The following FIGLA variants were observed in gnomAD, a reference collection of about 807,000 sequenced individuals.
FIGLA encodes factor in the germline alpha.
In FIGLA, 17 loss-of-function variants were observed where a neutral mutation model predicts 21.5. The observed-to-expected ratio is 0.79, with a 90% CI of 0.54 to 1.19. FIGLA has a LOEUF of 1.19. FIGLA is among the 50% of genes most tolerant of loss of function. The pLI is 0.00. For synonymous variants in FIGLA, 129 were observed against 117.6 expected (o/e 1.10, Z -0.63); for missense variants, 282 against 285.0 (o/e 0.99, Z 0.08).
At chr2:70,778,938 C>G (rs1256658221) in intron 3 of FIGLA, among the ~76,000 whole-genome samples, 3 of 152,166 alleles carry the variant, frequency 2.0e-5, no homozygotes, top group Non-Finnish European at 4.4e-5. Context: ...ATGGGGTAAA[C>G]AGAAATCCTT....
chr2:70,786,828 T>C (rs1675965066), intron 2 of FIGLA, among the ~76,000 whole-genome samples: 1 of 152,146 alleles, frequency 6.6e-6, no homozygotes, highest in African/African-American at 2.4e-5. Context: ...GGTTCTCTCC[T>C]CCTCAACTTT....
intron 3 of FIGLA, 101 bp downstream of exon 3, chr2:70,785,314 T>G (rs1184133537): frequency 9.8e-7 from 1 of 1,017,204 alleles, no homozygotes; most frequent in Admixed American, 2.2e-5. Flanking sequence ...TTAAATTATC[T>G]TGTTTTAATC....
At chr2:70,783,167 C>T (rs1553389367) in intron 3 of FIGLA, among the ~76,000 whole-genome samples, 1 of 152,084 alleles carries the variant, frequency 6.6e-6, no homozygotes, top group Non-Finnish European at 1.5e-5. Context: ...TACAATCAGG[C>T]CTCAGAAGTC....
intron 2 of FIGLA, among the ~76,000 whole-genome samples, chr2:70,786,601 G>A (rs1278081290): frequency 2.0e-5 from 3 of 152,152 alleles, no homozygotes; most frequent in African/African-American, 7.2e-5. Context: ...ACCGCGCCTG[G>A]CAGACTTCTA....
At chr2:70,777,732 G>A in intron 3 of FIGLA, 61 bp from the exon 4 acceptor site, 1 of 884,966 alleles carries the variant, frequency 1.1e-6, no homozygotes, top group African/African-American at 1.7e-5. Context: ...TCACGTTTAA[G>A]AGAACAAAAA....
intron 3 of FIGLA, among the ~76,000 whole-genome samples, chr2:70,778,959 C>T (rs782569761): frequency 3.3e-5 from 5 of 152,160 alleles, no homozygotes; most frequent in Non-Finnish European, 5.9e-5. Context: ...GCTCACTCAG[C>T]TTTAGAGTTC....
At chr2:70,786,477 T>G (rs1467413434) in intron 2 of FIGLA, among the ~76,000 whole-genome samples, 3 of 151,302 alleles carry the variant, frequency 2.0e-5, no homozygotes, top group African/African-American at 7.4e-5. Flanking sequence ...CTAATTTTTT[T>G]GTATTTTTAG....
intron 2 of FIGLA, among the ~76,000 whole-genome samples, chr2:70,786,143 C>T (rs1675951561): frequency 6.6e-6 from 1 of 151,728 alleles, no homozygotes; most frequent in Non-Finnish European, 1.5e-5. Context: ...TGTTTCTTTT[C>T]TCTCTAGTAT....
chr2:70,787,701 G>A lies in FIGLA; in HGVS notation c.332C>T (p.Thr111Ile). Residue 111 changes from threonine to isoleucine, a missense_variant, in exon 2 of 5, where the codon ACT becomes ATT. Coordinates refer to ENST00000332372, the MANE Select transcript of FIGLA (RefSeq NM_001004311.3). ...ATCACTGAGAACCTGTATATATTCA[G>A]TCGCACCTTTAAGGATATCAACTTT... is the stretch of plus-strand genomic sequence containing the variant. ...PSKVDILKGA[T>I]EYIQVLSDLL... 6.2e-7 allele frequency: 1 copy of A among 1,603,844 alleles called. No individual in the cohort carries two copies. The highest frequency in any genetic ancestry group is 8.5e-7 in the Non-Finnish European group (1 of 1,175,176).
Position 70,790,631 on chromosome 2 carries a change from G to T in FIGLA, c.8C>A (p.Pro3His). 7.1e-7 allele frequency: 1 copy of T among 1,413,160 alleles called. No individual in the cohort carries two copies. The highest frequency in any genetic ancestry group is 9.2e-7 in the Non-Finnish European group (1 of 1,090,174). The allele number at this position is 1,413,160 out of a possible 1,614,324, so 87.5% of individuals were successfully genotyped here. A position where few individuals can be genotyped will look rare whatever the true frequency, so the allele number is the denominator to read the frequency against. MD[P>H]APGVLDPRAA... ...GCGGGGATCTAGGACGCCGGGCGCG[G>T]GGTCCATGGCAGGGCCGAGGCCGCT... Residue 3 changes from proline (P) to histidine (H), a missense_variant, in exon 1 of 5, where the codon CCC (proline) becomes CAC (histidine). Physicochemically the swap from Pro to His is moderately conservative, Grantham distance 77. Coordinates refer to ENST00000332372, the MANE Select transcript of FIGLA (RefSeq NM_001004311.3).
chr2:70,783,515 C>A (rs1344911528), intron 3 of FIGLA, among the ~76,000 whole-genome samples: 3 of 152,216 alleles, frequency 2.0e-5, no homozygotes, highest in African/African-American at 7.2e-5. Context: ...GCTCCTGTCC[C>A]AGCCCAGGTC....
intron 3 of FIGLA, among the ~76,000 whole-genome samples, chr2:70,781,927 C>T (rs1039214596): frequency 5.9e-5 from 9 of 152,162 alleles, no homozygotes; most frequent in African/African-American, 1.9e-4. Flanking sequence ...ACTATGCATA[C>T]GTGGTACCAA....
rs149897774 is a variant in FIGLA at position 70,778,767 on chromosome 2, A to C, written c.610-1096T>G. Among the ~76,000 whole-genome samples the C allele has an allele frequency of 2.7e-3, 405 of 152,280 alleles. 1 individual carries two copies. The highest frequency in any genetic ancestry group is 0.021 in the South Asian group (101 of 4,820). On this transcript the variant is annotated intron_variant, in intron 3 of 4. Coordinates refer to ENST00000332372, the MANE Select transcript of FIGLA (RefSeq NM_001004311.3). Reference sequence around the variant, plus strand: ...TGGTCTCATCTAAGCCAAAGAGTTTAAGGTCCAAGAAGAGGGTAGTCTGGA... The same window carrying C: ...TGGTCTCATCTAAGCCAAAGAGTTTCAGGTCCAAGAAGAGGGTAGTCTGGA...
rs1675936104 is a variant in FIGLA at position 70,785,520 on chromosome 2, A to C, written c.504T>G (p.Asn168Lys). The C allele has an allele frequency of 6.2e-7, 1 of 1,613,978 alleles. No individual in the cohort carries two copies. The highest frequency in any genetic ancestry group is 8.5e-7 in the Non-Finnish European group (1 of 1,179,898). Reference sequence around the variant, plus strand: ...CATCTGCCCAAGGCCCTTCCTCTTCATTCTTCAAGCCGAAAGCACAGCTGA... The same window carrying C: ...CATCTGCCCAAGGCCCTTCCTCTTCCTTCTTCAAGCCGAAAGCACAGCTGA... ...QHISCAFGLK[N>K]EEEGPWADGG... The change falls in exon 3 of 5, where the codon AAT becomes AAG. Residue 168 changes from asparagine to lysine, a missense_variant. Coordinates refer to ENST00000332372, the MANE Select transcript of FIGLA (RefSeq NM_001004311.3).
intron 1 of FIGLA, among the ~76,000 whole-genome samples, chr2:70,789,508 T>C (rs1455060683): frequency 6.6e-6 from 1 of 152,180 alleles, no homozygotes; most frequent in African/African-American, 2.4e-5. Flanking sequence ...CCTACTCTCC[T>C]GTCGTCCTTT....
Position 70,787,676 on chromosome 2 carries a change from A to G in FIGLA, c.357T>C (p.Asp119=). 6.3e-7 allele frequency: 1 copy of G among 1,582,874 alleles called. No homozygotes were observed. ...TTGAGTCTTTGGCTCCTTCCAAAAG[A>G]TCACTGAGAACCTGTATATATTCAG... is the stretch of plus-strand genomic sequence containing the variant. ...GATEYIQVLS[D]LLEGAKDSKK... is the part of the protein sequence containing the mutation. Residue 119 remains aspartate, a synonymous_variant, in exon 2 of 5, where the codon GAT becomes GAC. Coordinates refer to ENST00000332372, the MANE Select transcript of FIGLA (RefSeq NM_001004311.3).
intron 1 of FIGLA, among the ~76,000 whole-genome samples, chr2:70,789,472 G>A (rs1676018116): frequency 6.6e-6 from 1 of 152,070 alleles, no homozygotes; most frequent in African/African-American, 2.4e-5. Context: ...TCTAGTACTG[G>A]TAAAAGAGGA....
In FIGLA at chr2:70,787,742, T is replaced by C. The variant is rs1306978109; in HGVS notation, c.291A>G (p.Gln97=). The change falls in exon 2 of 5, where the codon CAA becomes CAG. Residue 97 remains glutamine, a synonymous_variant. Coordinates refer to ENST00000332372, the MANE Select transcript of FIGLA (RefSeq NM_001004311.3). ...TATCAACTTTGCTGGGCTTCCTGCTTTGGGGAAGAAATGGCACAAGTGCCT... is the reference window on the plus strand; with the variant it reads ...TATCAACTTTGCTGGGCTTCCTGCTCTGGGGAAGAAATGGCACAAGTGCCT... ...RLKALVPFLP[Q]SRKPSKVDIL... is the part of the protein sequence containing the mutation. 3 of 1,612,754 alleles carry C rather than the reference T, an allele frequency of 1.9e-6. No individual in the cohort carries two copies. The highest frequency in any genetic ancestry group is 2.5e-6 in the Non-Finnish European group (3 of 1,179,588).
chr2:70,789,503 T>C (rs1170422526), intron 1 of FIGLA, among the ~76,000 whole-genome samples: 1 of 152,176 alleles, frequency 6.6e-6, no homozygotes, highest in Non-Finnish European at 1.5e-5. Context: ...AGTCTCCTAC[T>C]CTCCTGTCGT....
Sources: gnomAD v4.1 joint callset for allele counts (sites outside exome capture counted in the v4.1 genomes callset) on GRCh38, gnomAD v4.1.1 for gene constraint, MANE v1.5 for transcripts, NCBI Gene and HGNC (gene_info 2026-07-23, HGNC 2026-07-21) for gene names.